CPNE8: variants seen among roughly 807,000 people sequenced by gnomAD.
CPNE8 encodes the protein copine 8.
Under a neutral mutation model 81.5 loss-of-function variants are expected in CPNE8, and 45 were observed. The ratio of observed to expected loss-of-function variants is 0.55; its 90% CI spans 0.44 to 0.71. The LOEUF is 0.71. CPNE8 is among the 30% of genes least tolerant of loss of function. CPNE8 has a pLI of 0.00. For missense variants in CPNE8, 594 were observed against 672.1 expected, an observed-to-expected ratio of 0.88 and a Z score of 1.28; for synonymous variants, 252 against 226.3, an observed-to-expected ratio of 1.11 and a Z score of -1.02.
At chr12:38,787,132 C>T (rs1181559117) in intron 6 of CPNE8, among the ~76,000 whole-genome samples, 3 of 152,084 alleles carry the variant, frequency 2.0e-5, no homozygotes, top group Admixed American at 6.6e-5. Context: ...AGAACCTTTT[C>T]ATCCAACAGC....
intron 1 of CPNE8, among the ~76,000 whole-genome samples, chr12:38,874,802 A>G (rs1364559866): frequency 6.6e-6 from 1 of 152,196 alleles, no homozygotes; most frequent in African/African-American, 2.4e-5. Context: ...AATCTCTTTG[A>G]GAGAATTAAC....
chr12:38,831,966 A>C (rs1943294770), intron 5 of CPNE8, among the ~76,000 whole-genome samples: 1 of 152,222 alleles, frequency 6.6e-6, no homozygotes, highest in Admixed American at 6.5e-5. Flanking sequence ...CAAGAGAATA[A>C]AACATAAATA....
chr12:38,873,954 TTTTC>T (rs1437811661), intron 2 of CPNE8, among the ~76,000 whole-genome samples: 6 of 151,998 alleles, frequency 3.9e-5, no homozygotes, highest in Admixed American at 3.3e-4. Context: ...TTTATTTTTC[TTTTC>T]TTTCTTTTTT....
At chr12:38,722,613 AT>A (rs1940593879) in intron 13 of CPNE8, among the ~76,000 whole-genome samples, 1 of 152,196 alleles carries the variant, frequency 6.6e-6, no homozygotes, top group Non-Finnish European at 1.5e-5. Context: ...ACTGTTATTC[AT>A]CATGAAGTTA....
intron 5 of CPNE8, among the ~76,000 whole-genome samples, chr12:38,837,458 A>G (rs145888156): frequency 6.6e-6 from 1 of 152,298 alleles, no homozygotes; most frequent in East Asian, 1.9e-4. Context: ...CCAGAGGGAT[A>G]AACACTTGAG....
At chr12:38,843,658 G>A (rs749698673) in intron 4 of CPNE8, among the ~76,000 whole-genome samples, 18 of 152,212 alleles carry the variant, frequency 1.2e-4, no homozygotes, top group East Asian at 1.9e-4. Flanking sequence ...TCTGAGTGAC[G>A]AAAAACATAG....
intron 6 of CPNE8, among the ~76,000 whole-genome samples, chr12:38,802,061 A>T (rs2136961528): frequency 4.2e-5 from 1 of 24,016 alleles, no homozygotes; most frequent in African/African-American, 6.6e-5. Flanking sequence ...TAATAATGGG[A>T]GACTTTAACA....
Position 38,857,367 on chromosome 12 carries a change from C to T in CPNE8, c.187-8705G>A, listed in dbSNP as rs115976134. 5.1e-3 allele frequency among the ~76,000 whole-genome samples: 779 copies of T among 152,248 alleles called. 7 individuals carry two copies. Among genetic ancestry groups the T allele is most frequent in the African/African-American group, 0.018 (749 of 41,538 alleles). On this transcript the variant is annotated intron_variant, in intron 3 of 19. Transcript: ENST00000331366. Reference sequence around the variant, plus strand: ...CTGTCCTTGTTTATTGATTGGCTATCAGAGAAACTGTAAGGATGGGACTTT... The same window carrying T: ...CTGTCCTTGTTTATTGATTGGCTATTAGAGAAACTGTAAGGATGGGACTTT...
At chr12:38,788,208 C>A (rs1033675079) in intron 6 of CPNE8, among the ~76,000 whole-genome samples, 3 of 151,608 alleles carry the variant, frequency 2.0e-5, no homozygotes, top group African/African-American at 7.3e-5. Flanking sequence ...ATTCAAAAAA[C>A]CTTAACAAAA....
At chr12:38,801,092 T>G (rs1942654181) in intron 6 of CPNE8, among the ~76,000 whole-genome samples, 1 of 134,118 alleles carries the variant, frequency 7.5e-6, no homozygotes, top group African/African-American at 2.8e-5. Flanking sequence ...TGCAGGATAT[T>G]ATCCAGGAGA....
chr12:38,807,605 G>A (rs1001310509), intron 6 of CPNE8, among the ~76,000 whole-genome samples: 3 of 151,522 alleles, frequency 2.0e-5, no homozygotes, highest in Non-Finnish European at 4.4e-5. Flanking sequence ...ATTAATTCAA[G>A]ATGGATTAAA....
At chr12:38,808,494 A>G (rs945873360) in intron 6 of CPNE8, among the ~76,000 whole-genome samples, 3 of 151,584 alleles carry the variant, frequency 2.0e-5, no homozygotes, top group Middle Eastern at 3.2e-3. Context: ...TCAGTCAACT[A>G]TCACAAGAAC....
intron 8 of CPNE8, among the ~76,000 whole-genome samples, chr12:38,762,952 G>A (rs971782239): frequency 6.6e-6 from 1 of 152,166 alleles, no homozygotes; most frequent in Non-Finnish European, 1.5e-5. Context: ...TCTGCCGCCC[G>A]GGTTCATGCA....
At chr12:38,670,863 GACA>G in intron 18 of CPNE8, 61 bp from the exon 19 acceptor site, 8 of 1,217,786 alleles carry the variant, frequency 6.6e-6, no homozygotes, top group Non-Finnish European at 9.5e-6. Context: ...AAACAATGTG[GACA>G]ACAAGGAAAT....
chr12:38,874,177 T>G (rs1944033247), intron 2 of CPNE8, among the ~76,000 whole-genome samples: 1 of 152,186 alleles, frequency 6.6e-6, no homozygotes, highest in African/African-American at 2.4e-5. Flanking sequence ...TATGGCCCAT[T>G]ACAGTTTTCT....
intron 3 of CPNE8, among the ~76,000 whole-genome samples, chr12:38,871,257 T>C (rs1210944276): frequency 6.6e-6 from 1 of 152,206 alleles, no homozygotes; most frequent in African/African-American, 2.4e-5. Context: ...CTTTATCCAA[T>C]AAAGTTTCCA....
At chr12:38,677,306 G>A (rs1009932294) in intron 17 of CPNE8, 146 bp downstream of exon 17, 10 of 568,542 alleles carry the variant, frequency 1.8e-5, no homozygotes, top group African/African-American at 1.3e-4. Flanking sequence ...AGATGTATAT[G>A]AGTTGTCTGG....
At chr12:38,694,686 T>C (rs1482767374) in intron 14 of CPNE8, among the ~76,000 whole-genome samples, 4 of 152,292 alleles carry the variant, frequency 2.6e-5, no homozygotes, top group South Asian at 2.1e-4. Flanking sequence ...CTCAAACACA[T>C]TGAAATTCAC....
chr12:38,807,143 GA>G (rs1442971727), intron 6 of CPNE8, among the ~76,000 whole-genome samples: 1 of 151,870 alleles, frequency 6.6e-6, no homozygotes, highest in Non-Finnish European at 1.5e-5. Context: ...TCATGGGTAG[GA>G]AGAATCAATA....
Sources: allele counts gnomAD v4.1 joint callset (sites outside exome capture counted in the v4.1 genomes callset), GRCh38; gene constraint gnomAD v4.1.1; transcripts MANE v1.5; gene names NCBI Gene and HGNC (gene_info 2026-07-23, HGNC 2026-07-21).